COBL: variants seen among roughly 807,000 people sequenced by gnomAD.
COBL encodes the protein cordon-bleu WH2 repeat protein, also known as protein cordon-bleu.
A neutral mutation model predicts 98.8 loss-of-function variants in COBL; 51 were observed. The ratio of observed to expected loss-of-function variants is 0.52; its 90% CI spans 0.41 to 0.65. COBL has a LOEUF of 0.65. Ranked by LOEUF, COBL falls within the 30% of genes least tolerant of loss-of-function variation. The pLI, the probability that COBL is intolerant of heterozygous loss-of-function variation, is 0.00. For synonymous variants in COBL, 634 were observed against 651.7 expected, an observed-to-expected ratio of 0.97 and a Z score of 0.41; for missense variants, 1,617 against 1,617.5, an observed-to-expected ratio of 1.00 and a Z score of 0.01.
intron 7 of COBL, among the ~76,000 whole-genome samples, chr7:51,084,702 T>C (rs1294146238): frequency 6.6e-6 from 1 of 152,084 alleles, no homozygotes; most frequent in Non-Finnish European, 1.5e-5. Flanking sequence ...CCAGGTAATA[T>C]AAGTGGAGAT....
At chr7:51,220,474 G>GT (rs1225449561) in intron 1 of COBL, among the ~76,000 whole-genome samples, 3 of 152,138 alleles carry the variant, frequency 2.0e-5, no homozygotes, top group Non-Finnish European at 4.4e-5. Flanking sequence ...CACGGCCACC[G>GT]TGGACAGATG....
chr7:51,182,349 T>C (rs114096919), intron 5 of COBL, among the ~76,000 whole-genome samples: 1,810 of 151,926 alleles, frequency 0.012, 31 homozygotes, highest in African/African-American at 0.042. Context: ...TAGCATGTTC[T>C]CATCTCACTG....
chr7:51,104,195 C>G (rs1294234014), intron 6 of COBL, among the ~76,000 whole-genome samples: 1 of 152,128 alleles, frequency 6.6e-6, no homozygotes, highest in African/African-American at 2.4e-5. Context: ...CCAGAGACAC[C>G]AGGAGGCTAA....
intron 4 of COBL, among the ~76,000 whole-genome samples, chr7:51,186,337 TCA>T (rs910187832): frequency 6.6e-6 from 1 of 152,240 alleles, no homozygotes; most frequent in Non-Finnish European, 1.5e-5. Flanking sequence ...CATAGCACTT[TCA>T]CACCATGGTA....
chr7:51,158,639 AAC>A (rs1195412410), intron 5 of COBL, among the ~76,000 whole-genome samples: 1 of 152,082 alleles, frequency 6.6e-6, no homozygotes, highest in Non-Finnish European at 1.5e-5. Context: ...TGCCACTAGG[AAC>A]AGAGCACGGT....
At chr7:51,184,397 T>C (rs1386573459) in intron 4 of COBL, among the ~76,000 whole-genome samples, 198 bp from the exon 5 acceptor site, 1 of 152,224 alleles carries the variant, frequency 6.6e-6, no homozygotes, top group African/African-American at 2.4e-5. Context: ...TCACTACAGG[T>C]TCTTACACAG....
intron 5 of COBL, among the ~76,000 whole-genome samples, chr7:51,137,707 C>G (rs755931827): frequency 6.6e-6 from 1 of 152,136 alleles, no homozygotes; most frequent in Non-Finnish European, 1.5e-5. Flanking sequence ...TCAATGAAGA[C>G]AGTAATTATC....
rs997848928 is a variant in COBL, at chr7:51,127,203, T to C, written c.957+8955A>G. On this transcript the variant is annotated intron_variant, in intron 6 of 12. Transcript: ENST00000265136. The stretch of plus-strand genomic sequence containing the variant: ...GAGTACTACGAGATGAGTGACAACA[T>C]GGGTGGCTGCTACAAAGACACAGAA... Among the ~76,000 whole-genome samples the C allele has an allele frequency of 3.9e-5, 6 of 152,154 alleles. No homozygotes were observed. The South Asian group carries it at 1.0e-3, about 26-fold the overall frequency.
At chr7:51,193,258 A>C in intron 3 of COBL, 121 bp downstream of exon 3, 1 of 827,964 alleles carries the variant, frequency 1.2e-6, no homozygotes, top group Non-Finnish European at 1.9e-6. Context: ...GCCTGGCATG[A>C]AAGTAGCAGC....
At chr7:51,091,329 G>A (rs1454620053) in intron 6 of COBL, among the ~76,000 whole-genome samples, 1 of 152,048 alleles carries the variant, frequency 6.6e-6, no homozygotes, top group Non-Finnish European at 1.5e-5. Context: ...TCAATAAAGA[G>A]ACAGAAACTA....
chr7:51,274,495 A>T (rs1489525477), intron 1 of COBL, among the ~76,000 whole-genome samples: 1 of 152,204 alleles, frequency 6.6e-6, no homozygotes, highest in Non-Finnish European at 1.5e-5. Context: ...ACCATTCATT[A>T]TCCATGAAAG....
At position 51,027,737 on chromosome 7, in the gene COBL, G is replaced by T; in HGVS notation, c.3359C>A (p.Ala1120Glu). 1 of 1,613,726 alleles carries T rather than the reference G, an allele frequency of 6.2e-7. No individual in the cohort carries two copies. Among genetic ancestry groups the T allele is most frequent in the Non-Finnish European group, 8.5e-7 (1 of 1,179,778 alleles). The change falls in exon 10 of 13, where the codon GCG becomes GAG. Residue 1120 changes from alanine (A) to glutamate (E), a missense_variant. Around this residue, in one of 3 missense-constraint regions of COBL, gnomAD observed 1,304 missense variants for 1,282.0 expected, o/e 1.02. Transcript: ENST00000265136. ...HSALMEAIHS[A>E]GGKDRLRKTA... Reference sequence around the variant, plus strand: ...CTTGCGTAGTCTGTCCTTCCCTCCCGCAGAGTGGATGGCTTCCATCAGGGC... The same window carrying T: ...CTTGCGTAGTCTGTCCTTCCCTCCCTCAGAGTGGATGGCTTCCATCAGGGC...
At chr7:51,226,263 C>G (rs1348923337) in intron 1 of COBL, among the ~76,000 whole-genome samples, 1 of 152,200 alleles carries the variant, frequency 6.6e-6, no homozygotes, top group Non-Finnish European at 1.5e-5. Flanking sequence ...ACACCCGGCT[C>G]TCCTGGCTAA....
chr7:51,239,356 A>G (rs1224363688), intron 1 of COBL, among the ~76,000 whole-genome samples: 2 of 152,148 alleles, frequency 1.3e-5, no homozygotes, highest in Non-Finnish European at 2.9e-5. Flanking sequence ...CCTCACTCCT[A>G]CACTCCCACC....
chr7:51,219,444 G>A (rs975871018), intron 2 of COBL, among the ~76,000 whole-genome samples: 2 of 152,226 alleles, frequency 1.3e-5, no homozygotes, highest in Non-Finnish European at 1.5e-5. Context: ...GTAGGTCACC[G>A]CTGTACCTGC....
chr7:51,138,011 G>GA (rs1409743843), intron 5 of COBL, among the ~76,000 whole-genome samples: 3 of 151,824 alleles, frequency 2.0e-5, no homozygotes, highest in African/African-American at 4.8e-5. Context: ...TTGTTTTCCT[G>GA]AAAAAAAATT....
intron 5 of COBL, among the ~76,000 whole-genome samples, chr7:51,145,820 C>G (rs1376448191): frequency 6.6e-6 from 1 of 152,240 alleles, no homozygotes; most frequent in Non-Finnish European, 1.5e-5. Context: ...TTTGTTTGAA[C>G]AGCCGTCTTT....
intron 6 of COBL, among the ~76,000 whole-genome samples, chr7:51,133,603 CT>C (rs919043441): frequency 6.6e-6 from 1 of 152,174 alleles, no homozygotes; most frequent in African/African-American, 2.4e-5. Context: ...CCGCTCAAGT[CT>C]CAGAAATCCT....
Position 51,030,848 on chromosome 7 carries a change from G to C in COBL, c.1468C>G (p.Arg490Gly). Residue 490 changes from arginine (R) to glycine (G), a missense_variant, in exon 9 of 13, where the codon CGT becomes GGT. Transcript: ENST00000265136. ...EEDLLIAGEF[R>G]KTLAELDEDL... ...TCATCAAGTTCTGCAAGGGTTTTACGGAACTCTCCAGCAATTAATAGGTCT... is the reference window on the plus strand; with the variant it reads ...TCATCAAGTTCTGCAAGGGTTTTACCGAACTCTCCAGCAATTAATAGGTCT... The C allele has an allele frequency of 6.2e-7, 1 of 1,609,554 alleles. No individual in the cohort carries two copies. Among genetic ancestry groups the C allele is most frequent in the Non-Finnish European group, 8.5e-7 (1 of 1,178,914 alleles).
Sources: gnomAD v4.1 joint callset for allele counts (sites outside exome capture counted in the v4.1 genomes callset) on GRCh38, gnomAD v4.1.1 for gene constraint, gnomAD v4.1.1 regional missense constraint, MANE v1.5 for transcripts, NCBI Gene and HGNC (gene_info 2026-07-23, HGNC 2026-07-21) for gene names.